Variants in PDE4D observed in about 807,000 individuals in gnomAD.
PDE4D encodes phosphodiesterase 4D.
In PDE4D, 24 loss-of-function variants were observed where a neutral mutation model predicts 87.4. The observed-to-expected ratio is 0.27, with a 90% CI of 0.20 to 0.39. The LOEUF is 0.39. PDE4D is among the 10% of genes least tolerant of loss of function. The probability of loss-of-function intolerance (pLI) is 1.00; values close to 1 mark genes in which losing one functional copy is unlikely to be tolerated. For missense variants in PDE4D, 714 were observed against 1,041.0 expected (o/e 0.69, Z 4.32); for synonymous variants, 384 against 383.2 (o/e 1.00, Z -0.02).
At chr5:59,966,528 A>G (rs1180844990) in intron 3 of PDE4D, among the ~76,000 whole-genome samples, 1 of 152,210 alleles carries the variant, frequency 6.6e-6, no homozygotes, top group Non-Finnish European at 1.5e-5. Context: ...GAAGCCACCC[A>G]TAGACAACTT....
chr5:59,016,387 G>GTTTTT (rs1439854336), intron 6 of PDE4D, among the ~76,000 whole-genome samples: 1 of 89,252 alleles, frequency 1.1e-5, no homozygotes. Flanking sequence ...TTATCAGTCT[G>GTTTTT]TTCTTTTTTT....
At chr5:59,771,499 G>GAGAGAGAGAAGAAAGAAAGA (rs1554081503) in intron 1 of PDE4D, among the ~76,000 whole-genome samples, 5 of 19,726 alleles carry the variant, frequency 2.5e-4, no homozygotes, top group South Asian at 2.3e-3. Context: ...GAGAGAGAGA[G>GAGAGAGAGAAGAAAGAAAGA]AAGAAAGAAA....
intron 1 of PDE4D, among the ~76,000 whole-genome samples, chr5:60,471,787 A>ACATTGT: frequency 6.6e-6 from 1 of 152,302 alleles, no homozygotes; most frequent in African/African-American, 2.4e-5. Flanking sequence ...GTATACTAGA[A>ACATTGT]ATGTAACTTA....
chr5:59,773,976 C>T (rs1763830501), intron 1 of PDE4D, among the ~76,000 whole-genome samples: 1 of 152,024 alleles, frequency 6.6e-6, no homozygotes, highest in Non-Finnish European at 1.5e-5. Flanking sequence ...AAAGGAGTGA[C>T]CAATAATTTA....
At chr5:59,250,477 A>C (rs1388821035) in intron 1 of PDE4D, among the ~76,000 whole-genome samples, 1 of 150,322 alleles carries the variant, frequency 6.7e-6, no homozygotes, top group Non-Finnish European at 1.5e-5. Context: ...TGGGTAACAG[A>C]GCAAGATCCT....
At chr5:60,449,110 AAT>A (rs1462041456) in intron 1 of PDE4D, among the ~76,000 whole-genome samples, 4 of 149,142 alleles carry the variant, frequency 2.7e-5, no homozygotes, top group African/African-American at 1.0e-4. Flanking sequence ...CGATCATGAA[AAT>A]ATGTTTTAAA....
At chr5:60,290,392 GA>G (rs1186412522) in intron 1 of PDE4D, among the ~76,000 whole-genome samples, 1 of 152,056 alleles carries the variant, frequency 6.6e-6, no homozygotes, top group Non-Finnish European at 1.5e-5. Context: ...ATAAAATTAA[GA>G]ACTGACACAT....
intron 1 of PDE4D, among the ~76,000 whole-genome samples, chr5:59,301,495 G>C (rs1770242645): frequency 6.6e-6 from 1 of 152,136 alleles, no homozygotes; most frequent in Non-Finnish European, 1.5e-5. Context: ...TTCTTTAAGT[G>C]TCTGAAGCCG....
chr5:59,559,561 T>C (rs932129543), intron 1 of PDE4D, among the ~76,000 whole-genome samples: 2 of 152,338 alleles, frequency 1.3e-5, no homozygotes, highest in Admixed American at 1.3e-4. Flanking sequence ...TGAGCGTGAA[T>C]GACGCTGGTT....
chr5:59,203,442 A>C (rs566281893), intron 2 of PDE4D, among the ~76,000 whole-genome samples: 1 of 152,312 alleles, frequency 6.6e-6, no homozygotes, highest in Non-Finnish European at 1.5e-5. Flanking sequence ...TCTTCAAAAA[A>C]TTAAGGATAA....
intron 1 of PDE4D, among the ~76,000 whole-genome samples, chr5:59,379,851 G>C (rs1785425466): frequency 6.6e-6 from 1 of 152,034 alleles, no homozygotes; most frequent in Non-Finnish European, 1.5e-5. Flanking sequence ...GTTTATTTTA[G>C]ATTTAGGGGC....
intron 5 of PDE4D, among the ~76,000 whole-genome samples, chr5:59,147,198 A>G (rs1000257770): frequency 1.3e-5 from 2 of 152,218 alleles, no homozygotes; most frequent in Admixed American, 6.5e-5. Flanking sequence ...ACTGCTGTAT[A>G]GCTACAACAC....
chr5:59,332,349 C>G (rs576583294), intron 1 of PDE4D, among the ~76,000 whole-genome samples: 41 of 152,108 alleles, frequency 2.7e-4, no homozygotes, highest in African/African-American at 9.4e-4. Flanking sequence ...GAGAGAAACA[C>G]TGTTATTTTT....
chr5:59,703,361 T>C (rs1172310378), intron 1 of PDE4D, among the ~76,000 whole-genome samples: 1 of 152,200 alleles, frequency 6.6e-6, no homozygotes, highest in Non-Finnish European at 1.5e-5. Flanking sequence ...TTATTATTCA[T>C]ATCCTTGGTG....
At chr5:59,747,940 T>A (rs1580847470) in intron 1 of PDE4D, among the ~76,000 whole-genome samples, 1 of 152,160 alleles carries the variant, frequency 6.6e-6, no homozygotes, top group East Asian at 1.9e-4. Context: ...CACACAAACA[T>A]AATACAATTG....
At chr5:59,266,129 G>C (rs1762819047) in intron 1 of PDE4D, among the ~76,000 whole-genome samples, 1 of 151,956 alleles carries the variant, frequency 6.6e-6, no homozygotes, top group South Asian at 2.1e-4. Context: ...AGGCATGGTG[G>C]TGTATGCCTG....
intron 1 of PDE4D, among the ~76,000 whole-genome samples, chr5:59,694,530 G>C (rs1751463234): frequency 6.6e-6 from 1 of 152,180 alleles, no homozygotes; most frequent in South Asian, 2.1e-4. Flanking sequence ...AAATGCTACA[G>C]GAATTAAAAG....
chr5:59,529,126 C>A, intron 1 of PDE4D: 1 of 478,062 alleles, frequency 2.1e-6, no homozygotes, highest in Non-Finnish European at 4.2e-6. Flanking sequence ...CTAAAACTCA[C>A]TCTTGGGAGC....
At chr5:60,456,767 G>A (rs905145896) in intron 1 of PDE4D, among the ~76,000 whole-genome samples, 1 of 152,098 alleles carries the variant, frequency 6.6e-6, no homozygotes, top group East Asian at 1.9e-4. Context: ...ATTTAATGGT[G>A]AGCCTCCCCT....
Sources: gnomAD v4.1 joint callset for allele counts (sites outside exome capture counted in the v4.1 genomes callset) on GRCh38, gnomAD v4.1.1 for gene constraint, MANE v1.5 for transcripts, NCBI Gene and HGNC (gene_info 2026-07-23, HGNC 2026-07-21) for gene names.